The following DOCK4 variants were observed in gnomAD, a reference collection of about 807,000 sequenced individuals.
The protein encoded by DOCK4 is dedicator of cytokinesis 4, also known as dedicator of cytokinesis protein 4.
Under a neutral mutation model 268.1 loss-of-function variants are expected in DOCK4, and 97 were observed. The observed-to-expected ratio is 0.36, with a 90% CI of 0.31 to 0.43. DOCK4 has a LOEUF of 0.43. DOCK4 is among the 20% of genes least tolerant of loss of function. The pLI is 1.00. For missense variants in DOCK4, 2,145 were observed against 2,455.7 expected, an observed-to-expected ratio of 0.87 and a Z score of 2.67; for synonymous variants, 954 against 887.2, an observed-to-expected ratio of 1.08 and a Z score of -1.34.
intron 1 of DOCK4, among the ~76,000 whole-genome samples, chr7:112,071,983 A>G (rs1807628373): frequency 6.6e-6 from 1 of 152,238 alleles, no homozygotes; most frequent in Non-Finnish European, 1.5e-5. Context: ...AGATTGAAGT[A>G]GAATATCCCT....
chr7:111,969,257 A>G lies in DOCK4; in HGVS notation c.701+7875T>C, dbSNP rs1586528211. 2.7e-5 allele frequency among the ~76,000 whole-genome samples: 4 copies of G among 148,474 alleles called. No individual in the cohort carries two copies. In the South Asian group the frequency reaches 8.4e-4, roughly 31 times the overall value. ...AGCTGTACAAACAAATAATGACTGA[A>G]AAAAAAAAAGAATGTTTTCTATTCT... On this transcript the variant is annotated intron_variant, in intron 8 of 52. Coordinates refer to ENST00000428084, the MANE Select transcript of DOCK4 (RefSeq NM_001363540.2).
intron 1 of DOCK4, among the ~76,000 whole-genome samples, chr7:112,096,319 AC>A (rs955627488): frequency 3.9e-5 from 6 of 151,998 alleles, no homozygotes; most frequent in Non-Finnish European, 8.8e-5. Flanking sequence ...TGCACATGCC[AC>A]CATGCTCGTC....
chr7:111,757,425 T>G (rs1172308980), intron 41 of DOCK4, among the ~76,000 whole-genome samples: 1 of 152,156 alleles, frequency 6.6e-6, no homozygotes, highest in African/African-American at 2.4e-5. Flanking sequence ...CTGACTATGA[T>G]TTCACTAAAA....
chr7:112,070,398 A>T (rs891594230), intron 1 of DOCK4, among the ~76,000 whole-genome samples: 5 of 152,160 alleles, frequency 3.3e-5, no homozygotes, highest in Non-Finnish European at 7.3e-5. Flanking sequence ...GTTAGTGCAA[A>T]AGTAACTGTG....
chr7:112,052,427 T>A (rs1805448429), intron 1 of DOCK4, among the ~76,000 whole-genome samples: 1 of 152,186 alleles, frequency 6.6e-6, no homozygotes, highest in African/African-American at 2.4e-5. Context: ...TTTTGGAGTT[T>A]CATTGAATAT....
At chr7:112,184,795 C>CG (rs1290179212) in intron 1 of DOCK4, among the ~76,000 whole-genome samples, 1 of 152,088 alleles carries the variant, frequency 6.6e-6, no homozygotes, top group African/African-American at 2.4e-5. Context: ...AATCCCCCCC[C>CG]CTTAGAGCTT....
intron 50 of DOCK4, among the ~76,000 whole-genome samples, chr7:111,736,653 G>A (rs551223113): frequency 1.3e-5 from 2 of 152,260 alleles, no homozygotes; most frequent in African/African-American, 4.8e-5. Context: ...CATTGCCTGG[G>A]TGACTCACTG....
chr7:112,159,514 TACAG>T (rs966847087), intron 1 of DOCK4, among the ~76,000 whole-genome samples: 4 of 152,098 alleles, frequency 2.6e-5, no homozygotes, highest in African/African-American at 4.8e-5. Flanking sequence ...ACTCCTCAAC[TACAG>T]ACAAACGGCC....
At chr7:111,787,609 TCTAA>T (rs1219819803) in intron 32 of DOCK4, among the ~76,000 whole-genome samples, 1 of 152,194 alleles carries the variant, frequency 6.6e-6, no homozygotes, top group African/African-American at 2.4e-5. Flanking sequence ...CTGAAATCTA[TCTAA>T]CCTATTAGTC....
chr7:111,804,597 ATTTATT>A (rs1344614158), intron 30 of DOCK4, among the ~76,000 whole-genome samples: 1 of 151,840 alleles, frequency 6.6e-6, no homozygotes, highest in Non-Finnish European at 1.5e-5. Flanking sequence ...ATTTATTTAT[ATTTATT>A]TTTATTTTTT....
At chr7:112,173,676 C>T (rs1586973686) in intron 1 of DOCK4, among the ~76,000 whole-genome samples, 1 of 152,222 alleles carries the variant, frequency 6.6e-6, no homozygotes, top group East Asian at 1.9e-4. Flanking sequence ...TGAAGACCTG[C>T]AGGAGGCCGT....
At position 111,977,310 on chromosome 7, in the gene DOCK4, T is replaced by C. The variant is rs1213362843; in HGVS notation, c.550-27A>G. ...TGAATGACACCCCCCAACAAAAACATGATCAGCATGGACTGAAGGAAATAA... is the reference window on the plus strand; with the variant it reads ...TGAATGACACCCCCCAACAAAAACACGATCAGCATGGACTGAAGGAAATAA... On this transcript the variant is annotated intron_variant, in intron 7 of 52. Transcript: ENST00000428084. 8.2e-6 allele frequency: 13 copies of C among 1,576,706 alleles called. 2 individuals are homozygous for C. The South Asian group carries it at 1.0e-4, about 13-fold the overall frequency.
Position 111,726,598 on chromosome 7 carries a change from T to C in DOCK4, c.*1676A>G, listed in dbSNP as rs1222242823. 6.6e-6 allele frequency: 1 copy of C among 152,630 alleles called. No individual in the cohort carries two copies. Among genetic ancestry groups the C allele is most frequent in the Non-Finnish European group, 1.5e-5 (1 of 68,026 alleles). The allele number at this position is 152,630 out of a possible 1,614,324, so 9.5% of individuals were successfully genotyped here. A position where few individuals can be genotyped will look rare whatever the true frequency, so the allele number is the denominator to read the frequency against. On this transcript the variant is annotated 3_prime_UTR_variant, in exon 53 of 53. Transcript: ENST00000428084. ...TTCCTTTTCTCAATTATGAACACTT[T>C]CACTAAACATAAATATTTAACATAT...
intron 1 of DOCK4, among the ~76,000 whole-genome samples, chr7:112,166,579 A>T (rs1224987550): frequency 1.3e-5 from 2 of 152,164 alleles, no homozygotes; most frequent in Non-Finnish European, 2.9e-5. Flanking sequence ...ATGAAATCTA[A>T]TCATTTCATA....
At position 111,933,298 on chromosome 7, in the gene DOCK4, A is replaced by ATATATATATAT. The variant is rs1554380830; in HGVS notation, c.1066+2241_1066+2242insATATATATATA. On this transcript the variant is annotated intron_variant, in intron 12 of 52. Coordinates refer to ENST00000428084, the MANE Select transcript of DOCK4 (RefSeq NM_001363540.2). ...TATATACATATATATATATATATAT[A>ATATATATATAT]TTTTTTTTTTTTTTTGAGATGGAGT... 2.7e-5 allele frequency among the ~76,000 whole-genome samples: 2 copies of ATATATATATAT among 74,826 alleles called. 1 individual carries two copies. The highest frequency in any genetic ancestry group is 1.3e-4 in the African/African-American group (2 of 15,228). The allele number at this position is 74,826 out of a possible 152,430, so 49.1% of individuals were successfully genotyped here. A position where few individuals can be genotyped will look rare whatever the true frequency, so the allele number is the denominator to read the frequency against.
chr7:112,096,952 T>G (rs1471919616), intron 1 of DOCK4, among the ~76,000 whole-genome samples: 1 of 152,194 alleles, frequency 6.6e-6, no homozygotes, highest in African/African-American at 2.4e-5. Context: ...GCAGAACTTC[T>G]GTCTCTAGAA....
intron 1 of DOCK4, among the ~76,000 whole-genome samples, chr7:112,116,890 C>T (rs1252239342): frequency 6.6e-6 from 1 of 152,148 alleles, no homozygotes; most frequent in Non-Finnish European, 1.5e-5. Context: ...CTGTACCCGG[C>T]CAGTACAGTC....
chr7:111,960,750 T>C (rs1040320721), intron 8 of DOCK4, among the ~76,000 whole-genome samples: 1 of 152,118 alleles, frequency 6.6e-6, no homozygotes, highest in Non-Finnish European at 1.5e-5. Context: ...TCAACTTTTT[T>C]ACACTCCACA....
intron 1 of DOCK4, among the ~76,000 whole-genome samples, chr7:112,020,343 C>A (rs1265080386): frequency 6.6e-6 from 1 of 152,188 alleles, no homozygotes; most frequent in African/African-American, 2.4e-5. Flanking sequence ...CTGAACCCCC[C>A]AGGTAAAAAA....
Sources: gnomAD v4.1 joint callset for allele counts (sites outside exome capture counted in the v4.1 genomes callset) on GRCh38, gnomAD v4.1.1 for gene constraint, MANE v1.5 for transcripts, NCBI Gene and HGNC (gene_info 2026-07-23, HGNC 2026-07-21) for gene names.